DLGAP4: variants seen among roughly 807,000 people sequenced by gnomAD.
The protein encoded by DLGAP4 is disks large-associated protein 4.
A neutral mutation model predicts 86.9 loss-of-function variants in DLGAP4; 18 were observed. The ratio of observed to expected loss-of-function variants is 0.21; its 90% CI spans 0.14 to 0.31. The LOEUF (loss-of-function observed/expected upper bound fraction) is 0.31. Among genes scored for constraint, DLGAP4 ranks in the 10% least tolerant of loss-of-function variants. The pLI is 1.00. For synonymous variants in DLGAP4, 548 were observed against 574.3 expected (o/e 0.95, Z 0.65); for missense variants, 1,085 against 1,362.6 (o/e 0.80, Z 3.21).
chr20:36,343,126 C>T (rs2065400619), intron 1 of DLGAP4, among the ~76,000 whole-genome samples: 1 of 152,166 alleles, frequency 6.6e-6, no homozygotes, highest in South Asian at 2.1e-4. Context: ...CCCTGGAAAG[C>T]CTCTGAAGTG....
At chr20:36,387,038 T>A (rs1257094177) in intron 2 of DLGAP4, among the ~76,000 whole-genome samples, 1 of 152,228 alleles carries the variant, frequency 6.6e-6, no homozygotes, top group East Asian at 1.9e-4. Flanking sequence ...ACCATGAAGA[T>A]CTCTGTGAAT....
At chr20:36,449,384 T>C (rs1880029669) in intron 7 of DLGAP4, among the ~76,000 whole-genome samples, 1 of 152,250 alleles carries the variant, frequency 6.6e-6, no homozygotes, top group Admixed American at 6.5e-5. Context: ...CTTTGCCTTC[T>C]GGGACTCTGA....
At chr20:36,363,159 T>C (rs1395041388) in intron 1 of DLGAP4, among the ~76,000 whole-genome samples, 1 of 152,080 alleles carries the variant, frequency 6.6e-6, no homozygotes, top group African/African-American at 2.4e-5. Flanking sequence ...CAAGAGCACG[T>C]GCAAAGGCCC....
At chr20:36,515,540 T>G (rs186017380) in intron 10 of DLGAP4, among the ~76,000 whole-genome samples, 114 of 152,304 alleles carry the variant, frequency 7.5e-4, no homozygotes, top group Non-Finnish European at 6.6e-4. Flanking sequence ...TATATTTAGG[T>G]TCATTCTTAC....
Position 36,371,253 on chromosome 20 carries a change from G to C in DLGAP4, c.-73+3978G>C, listed in dbSNP as rs531276179. ...TAGGGACATGTCATGGAGCGGGGTAGTCTGCTATGCTGACGGAGCATCTCT... is the reference window on the plus strand; with the variant it reads ...TAGGGACATGTCATGGAGCGGGGTACTCTGCTATGCTGACGGAGCATCTCT... On this transcript the variant is annotated intron_variant, in intron 2 of 12. Transcript: ENST00000339266. 3.9e-5 allele frequency among the ~76,000 whole-genome samples: 6 copies of C among 152,336 alleles called. No homozygotes were observed. In the East Asian group the frequency reaches 9.6e-4, roughly 24 times the overall value.
chr20:36,399,483 G>C (rs1256653605), intron 2 of DLGAP4, among the ~76,000 whole-genome samples: 1 of 152,166 alleles, frequency 6.6e-6, no homozygotes, highest in Non-Finnish European at 1.5e-5. Flanking sequence ...GTCATTGTTG[G>C]ACCAACCCAG....
At chr20:36,366,350 C>T (rs1213402661) in intron 1 of DLGAP4, among the ~76,000 whole-genome samples, 1 of 152,146 alleles carries the variant, frequency 6.6e-6, no homozygotes, top group African/African-American at 2.4e-5. Flanking sequence ...CGTGAGCCAC[C>T]GCACCCAGCC....
intron 2 of DLGAP4, among the ~76,000 whole-genome samples, chr20:36,383,539 A>C (rs1189634607): frequency 6.6e-6 from 1 of 151,922 alleles, no homozygotes; most frequent in East Asian, 1.9e-4. Flanking sequence ...AAGGTTTGGG[A>C]GGCTCTCTTG....
intron 1 of DLGAP4, among the ~76,000 whole-genome samples, chr20:36,343,625 C>T (rs377065488): frequency 6.6e-6 from 1 of 152,216 alleles, no homozygotes; most frequent in South Asian, 2.1e-4. Context: ...AGGTACCCCC[C>T]CCCAACCCCC....
At chr20:36,358,397 G>A (rs555027287) in intron 1 of DLGAP4, among the ~76,000 whole-genome samples, 9 of 152,306 alleles carry the variant, frequency 5.9e-5, no homozygotes, top group African/African-American at 1.9e-4. Flanking sequence ...GTCAGACCCT[G>A]AGTACCTGAG....
intron 1 of DLGAP4, among the ~76,000 whole-genome samples, chr20:36,317,395 TTC>T (rs1186585355): frequency 6.7e-6 from 1 of 149,038 alleles, no homozygotes; most frequent in African/African-American, 2.5e-5. Context: ...GTCTCTTTCT[TTC>T]TCTCTTCTTC....
intron 2 of DLGAP4, among the ~76,000 whole-genome samples, chr20:36,381,006 A>G (rs758547655): frequency 1.3e-5 from 2 of 152,240 alleles, no homozygotes; most frequent in Admixed American, 6.5e-5. Flanking sequence ...TCTGTTAGGA[A>G]AAAGGGAAGA....
intron 7 of DLGAP4, among the ~76,000 whole-genome samples, chr20:36,494,187 G>A (rs1244402034): frequency 6.6e-6 from 1 of 152,172 alleles, no homozygotes; most frequent in Admixed American, 6.5e-5. Flanking sequence ...AAACAGACGA[G>A]TAGGAAGTGA....
chr20:36,359,782 G>T (rs1029144869), intron 1 of DLGAP4, among the ~76,000 whole-genome samples: 1 of 152,146 alleles, frequency 6.6e-6, no homozygotes, highest in Non-Finnish European at 1.5e-5. Flanking sequence ...CGGAGGGGAC[G>T]CCTCCCAGGC....
chr20:36,496,082 G>C (rs1213222594), intron 7 of DLGAP4, among the ~76,000 whole-genome samples: 1 of 152,138 alleles, frequency 6.6e-6, no homozygotes, highest in African/African-American at 2.4e-5. Context: ...ATGTTGGTCA[G>C]GCTGGTCTCG....
Position 36,326,996 on chromosome 20 carries a change from CTT to C in DLGAP4, c.-304+20506_-304+20507del, listed in dbSNP as rs377378667. Among the ~76,000 whole-genome samples, 561 of 99,460 alleles carry C rather than the reference CTT, an allele frequency of 5.6e-3. 2 individuals are homozygous for C. Among genetic ancestry groups the C allele is most frequent in the African/African-American group, 0.018 (403 of 22,476 alleles). The allele number at this position is 99,460 out of a possible 152,430, so 65.2% of individuals were successfully genotyped here. ...TTTCTGGCTACTTTTAAGATTTTCT[CTT>C]TTTTTTTTTTTTTTTTTTTTTGAGA... is the stretch of plus-strand genomic sequence containing the variant. On this transcript the variant is annotated intron_variant, in intron 1 of 12. Transcript: ENST00000339266.
chr20:36,496,659 C>A (rs6068797), intron 7 of DLGAP4, 46 bp from the exon 8 acceptor site: 7 of 1,561,012 alleles, frequency 4.5e-6, no homozygotes, highest in Middle Eastern at 3.4e-4. Flanking sequence ...GGGTTGGGGG[C>A]TTCACCATCT....
At chr20:36,326,857 AT>A (rs1430757054) in intron 1 of DLGAP4, among the ~76,000 whole-genome samples, 18 of 150,530 alleles carry the variant, frequency 1.2e-4, no homozygotes, top group Non-Finnish European at 1.5e-4. Flanking sequence ...AAGTTAACAG[AT>A]TTTTTTTTCT....
chr20:36,354,001 C>T (rs551394587), intron 1 of DLGAP4, among the ~76,000 whole-genome samples: 1 of 152,352 alleles, frequency 6.6e-6, no homozygotes, highest in African/African-American at 2.4e-5. Context: ...CTGCTGTTTC[C>T]CCAGCTGCCC....
Sources: allele counts gnomAD v4.1 joint callset (sites outside exome capture counted in the v4.1 genomes callset), GRCh38; gene constraint gnomAD v4.1.1; transcripts MANE v1.5; gene names NCBI Gene and HGNC (gene_info 2026-07-23, HGNC 2026-07-21).